BCL7B: variants seen among roughly 807,000 people sequenced by gnomAD.
BCL7B encodes the protein BAF chromatin remodeling complex subunit BCL7B, also known as B-cell CLL/lymphoma 7 protein family member B.
In BCL7B, 11 loss-of-function variants were observed where a neutral mutation model predicts 26.5. The observed-to-expected ratio is 0.42, with a 90% CI of 0.26 to 0.69. The LOEUF is 0.69. BCL7B is among the 30% of genes least tolerant of loss of function. BCL7B has a pLI of 0.28. For missense variants in BCL7B, 215 were observed against 264.4 expected (o/e 0.81, Z 1.30); for synonymous variants, 111 against 107.9 (o/e 1.03, Z -0.18).
At chr7:73,542,663 TGTAA>T (rs1554582988) in intron 3 of BCL7B, among the ~76,000 whole-genome samples, 1 of 152,098 alleles carries the variant, frequency 6.6e-6, no homozygotes, top group Non-Finnish European at 1.5e-5. Flanking sequence ...AGCAGGTAGG[TGTAA>T]AAGGCAGTAT....
intron 2 of BCL7B, among the ~76,000 whole-genome samples, chr7:73,549,403 G>A (rs6974550): frequency 0.012 from 1,821 of 152,206 alleles, 34 homozygotes; most frequent in African/African-American, 0.041. Flanking sequence ...TTAGAGGCTG[G>A]TGCAGTGGCA....
At position 73,557,533 on chromosome 7, in the gene BCL7B, C is replaced by T; in HGVS notation, c.46G>A (p.Asp16Asn). The T allele has an allele frequency of 1.4e-6, 2 of 1,445,470 alleles. No homozygotes were observed. The highest frequency in any genetic ancestry group is 1.8e-6 in the Non-Finnish European group (2 of 1,089,076). 89.5% of individuals were successfully genotyped at this position (1,445,470 alleles called of 1,614,324 possible). Reference sequence around the variant, plus strand: ...GCCGCCATCACCTTCTTGATGTCGTCCTTGGCCCGGCTGCGGGTCTCCGCC... The same window carrying T: ...GCCGCCATCACCTTCTTGATGTCGTTCTTGGCCCGGCTGCGGGTCTCCGCC... ...VRAETRSRAK[D>N]DIKKVMAAIE... is the part of the protein sequence containing the mutation. The change falls in exon 1 of 6, where the codon GAC becomes AAC. Residue 16 changes from aspartate (D) to asparagine (N), a missense_variant. Asp to Asn is a conservative substitution (Grantham distance 23, BLOSUM62 1). Transcript: ENST00000223368.
chr7:73,553,935 C>G (rs1431931207), intron 1 of BCL7B, among the ~76,000 whole-genome samples: 1 of 150,394 alleles, frequency 6.6e-6, no homozygotes, highest in Non-Finnish European at 1.5e-5. Context: ...TCGAGGTCTG[C>G]AAACAAATGT....
chr7:73,557,190 G>GCGGGCA, intron 1 of BCL7B: 1 of 1,033,016 alleles, frequency 9.7e-7, no homozygotes, highest in Non-Finnish European at 1.2e-6. Context: ...TGGGCCGGGC[G>GCGGGCA]CGGGCACCGA....
chr7:73,548,234 C>A (rs1792027521), intron 2 of BCL7B, among the ~76,000 whole-genome samples: 2 of 151,930 alleles, frequency 1.3e-5, no homozygotes, highest in Admixed American at 6.6e-5. Flanking sequence ...TCAAGACCAT[C>A]CTGGCCAACA....
chr7:73,552,966 G>A (rs899507022), intron 1 of BCL7B, among the ~76,000 whole-genome samples: 3 of 152,002 alleles, frequency 2.0e-5, no homozygotes, highest in Non-Finnish European at 4.4e-5. Flanking sequence ...CTGCCTCCCA[G>A]GCTGGAGTGA....
chr7:73,537,969 G>C lies in BCL7B; in HGVS notation c.481C>G (p.Leu161Val), dbSNP rs1251516288. The change falls in exon 5 of 6, where the codon CTC becomes GTC. Residue 161 changes from leucine to valine, a missense_variant. Physicochemically the swap from Leu to Val is conservative, Grantham distance 32. Coordinates refer to ENST00000223368, the MANE Select transcript of BCL7B (RefSeq NM_001707.4). Reference protein sequence around the residue: ...SSEVADEPPTLTKEEPVPLET... With the variant: ...SSEVADEPPTVTKEEPVPLET... ...AGTGGAACTGGTTCTTCCTTGGTGA[G>C]GGTAGGAGGTTCATCAGCAACTTCC... is the stretch of plus-strand genomic sequence containing the variant. 2.5e-6 allele frequency: 4 copies of C among 1,605,700 alleles called. No homozygotes were observed. Among genetic ancestry groups the C allele is most frequent in the Non-Finnish European group, 2.6e-6 (3 of 1,176,320 alleles).
chr7:73,541,639 G>C lies in BCL7B; in HGVS notation c.266-1587C>G, dbSNP rs531491025. Among the ~76,000 whole-genome samples, 98 of 151,954 alleles carry C rather than the reference G, an allele frequency of 6.4e-4. 1 individual carries two copies. The South Asian group carries it at 0.016, about 24-fold the overall frequency. Reference sequence around the variant, plus strand: ...TGCGCCACCACGCCTGGGTAATTTTGTATTTTTATTAGAGACGGGGTTTCA... The same window carrying C: ...TGCGCCACCACGCCTGGGTAATTTTCTATTTTTATTAGAGACGGGGTTTCA... On this transcript the variant is annotated intron_variant, in intron 3 of 5. Transcript: ENST00000223368.
chr7:73,553,344 C>A (rs1374467785), intron 1 of BCL7B, among the ~76,000 whole-genome samples: 2 of 151,956 alleles, frequency 1.3e-5, no homozygotes, highest in Non-Finnish European at 2.9e-5. Flanking sequence ...ATGTTAGGAA[C>A]CTTTCCCTTT....
chr7:73,553,132 T>TGGG (rs370682281), intron 1 of BCL7B, among the ~76,000 whole-genome samples: 6 of 149,862 alleles, frequency 4.0e-5, no homozygotes, highest in African/African-American at 1.5e-4. Flanking sequence ...GGGGTGGGGG[T>TGGG]GGGGGGTCTC....
chr7:73,541,010 G>A (rs550691674), intron 3 of BCL7B, among the ~76,000 whole-genome samples: 2 of 151,930 alleles, frequency 1.3e-5, no homozygotes, highest in Non-Finnish European at 2.9e-5. Flanking sequence ...AGCCGGGCAT[G>A]ATAGCACGCG....
At chr7:73,542,746 G>A in intron 3 of BCL7B, 1 of 265,082 alleles carries the variant, frequency 3.8e-6, no homozygotes, top group South Asian at 3.5e-5. Context: ...TGGGTAAGCA[G>A]AAGCTTCGGC....
At position 73,557,582 on chromosome 7, in the gene BCL7B, GGCGGCGGGA is replaced by G. The variant is rs1331752919; in HGVS notation, c.-13_-5del. ...CCCGGACCGACCGGCCCGACATGGCGGCGGCGGGAGCGGCGGGGGCCGGGGCACTGCTCC... is the reference window on the plus strand; with the variant it reads ...CCCGGACCGACCGGCCCGACATGGCGGCGGCGGGGGCCGGGGCACTGCTCC... On this transcript the variant is annotated 5_prime_UTR_variant, in exon 1 of 6. Coordinates refer to ENST00000223368, the MANE Select transcript of BCL7B (RefSeq NM_001707.4). 1 of 1,310,240 alleles carries G rather than the reference GGCGGCGGGA, an allele frequency of 7.6e-7. No individual in the cohort carries two copies. The allele number at this position is 1,310,240 out of a possible 1,614,324, so 81.2% of individuals were successfully genotyped here.
Position 73,543,584 on chromosome 7 carries a change from C to T in BCL7B, c.229G>A (p.Ala77Thr). ...AGAAGGAGAGAGGAATTGGCTGAGG[C>T]ATCAGAAGGAAAGCCATTAGGTTCT... ...AREPNGFPSD[A>T]SANSSLLLEF... The change falls in exon 3 of 6, where the codon GCC (alanine) becomes ACC (threonine). Residue 77 changes from alanine (A) to threonine (T), a missense_variant. Transcript: ENST00000223368. The T allele has an allele frequency of 6.2e-7, 1 of 1,613,784 alleles. No homozygotes were observed. The highest frequency in any genetic ancestry group is 8.5e-7 in the Non-Finnish European group (1 of 1,179,926).
At chr7:73,541,374 C>G (rs1208360580) in intron 3 of BCL7B, among the ~76,000 whole-genome samples, 5 of 152,038 alleles carry the variant, frequency 3.3e-5, no homozygotes, top group Non-Finnish European at 2.9e-5. Flanking sequence ...TCTCACGTAC[C>G]TTAAACTGAA....
intron 2 of BCL7B, among the ~76,000 whole-genome samples, chr7:73,544,623 C>T (rs1422384385): frequency 2.6e-5 from 4 of 151,994 alleles, no homozygotes; most frequent in Non-Finnish European, 5.9e-5. Context: ...GAAACTCCAT[C>T]TCAAAAAGAA....
chr7:73,547,062 G>C (rs1554583557), intron 2 of BCL7B, among the ~76,000 whole-genome samples: 1 of 152,186 alleles, frequency 6.6e-6, no homozygotes, highest in Non-Finnish European at 1.5e-5. Flanking sequence ...TGAGGCAGAA[G>C]AATCACTTGA....
chr7:73,557,636 C>T lies in BCL7B; in HGVS notation c.-58G>A. On this transcript the variant is annotated 5_prime_UTR_variant, in exon 1 of 6. Coordinates refer to ENST00000223368, the MANE Select transcript of BCL7B (RefSeq NM_001707.4). ...TGCTCCCAAGACACCGGGGATCGCG[C>T]GCCTCACGCGCCGCCGCCCGCCCGC... 9.6e-7 allele frequency: 1 copy of T among 1,043,348 alleles called. No homozygotes were observed. The highest frequency in any genetic ancestry group is 1.2e-6 in the Non-Finnish European group (1 of 836,392). The allele number at this position is 1,043,348 out of a possible 1,614,324, so 64.6% of individuals were successfully genotyped here. A position where few individuals can be genotyped will look rare whatever the true frequency, so the allele number is the denominator to read the frequency against.
At chr7:73,556,004 A>G (rs1218981003) in intron 1 of BCL7B, among the ~76,000 whole-genome samples, 1 of 152,110 alleles carries the variant, frequency 6.6e-6, no homozygotes, top group Non-Finnish European at 1.5e-5. Flanking sequence ...GCTGGTACAG[A>G]GTTCCAGGTG....
Sources: gnomAD v4.1 joint callset for allele counts (sites outside exome capture counted in the v4.1 genomes callset) on GRCh38, gnomAD v4.1.1 for gene constraint, MANE v1.5 for transcripts, NCBI Gene and HGNC (gene_info 2026-07-23, HGNC 2026-07-21) for gene names.